KIF1A: variants seen among roughly 807,000 people sequenced by gnomAD.
KIF1A encodes the protein kinesin family member 1A, also known as kinesin-like protein KIF1A.
A neutral mutation model predicts 227.3 loss-of-function variants in KIF1A; 46 were observed. The observed-to-expected ratio is 0.20, with a 90% CI of 0.16 to 0.26. The LOEUF (loss-of-function observed/expected upper bound fraction) is 0.26, where lower values mean the gene tolerates loss of function less well. Among genes scored for constraint, KIF1A ranks in the 10% least tolerant of loss-of-function variants. The pLI, the probability that KIF1A is intolerant of heterozygous loss-of-function variation, is 1.00. For synonymous variants in KIF1A, 1,022 were observed against 1,012.8 expected (o/e 1.01, Z -0.17); for missense variants, 1,683 against 2,485.9 (o/e 0.68, Z 6.87).
Position 240,797,658 on chromosome 2 carries a change from C to T in KIF1A, c.95G>A (p.Gly32Glu). 3.1e-6 allele frequency: 5 copies of T among 1,611,162 alleles called. No homozygotes were observed. Among genetic ancestry groups the T allele is most frequent in the Non-Finnish European group, 4.2e-6 (5 of 1,178,170 alleles). The stretch of plus-strand genomic sequence containing the variant: ...AGGCTGATACTCACTGGTGGTGCTT[C>T]CAGACATCTGAATGATGCACTTGGA... ...RDSKCIIQMS[G>E]STTTIVNPKQ... Residue 32 changes from glycine (G) to glutamate (E), a missense_variant, in exon 2 of 49, where the codon GGA becomes GAA. By Grantham distance (98) the Gly-to-Glu change is moderately conservative. Coordinates refer to ENST00000498729, the MANE Select transcript of KIF1A (RefSeq NM_001244008.2).
In KIF1A at chr2:240,717,093, C is replaced by A; in HGVS notation, c.*271G>T. ...AAAAATATTAGAACGGCAGCAAGAA[C>A]CCCCGTAACCTGTGCCCTTGGCCCC... is the stretch of plus-strand genomic sequence containing the variant. On this transcript the variant is annotated 3_prime_UTR_variant, in exon 49 of 49. Transcript: ENST00000498729. The A allele has an allele frequency of 2.3e-6, 1 of 440,326 alleles. No homozygotes were observed. Among genetic ancestry groups the A allele is most frequent in the Non-Finnish European group, 4.0e-6 (1 of 248,168 alleles). 27.3% of individuals were successfully genotyped at this position (440,326 alleles called of 1,614,324 possible). A position where few individuals can be genotyped will look rare whatever the true frequency, so the allele number is the denominator to read the frequency against.
intron 27 of KIF1A, among the ~76,000 whole-genome samples, chr2:240,753,534 C>A (rs1439434198): frequency 6.6e-6 from 1 of 152,180 alleles, no homozygotes; most frequent in African/African-American, 2.4e-5. Flanking sequence ...CCTCGCAACC[C>A]CAGGCTCAGA....
chr2:240,782,035 C>T (rs2054099648), intron 10 of KIF1A: 6 of 985,414 alleles, frequency 6.1e-6, no homozygotes, highest in Non-Finnish European at 7.2e-6. Flanking sequence ...CGCATTCCCA[C>T]GCTGGCTCAC....
rs199922247 is a variant in KIF1A at position 240,762,710 on chromosome 2, A to T, written c.2116+9T>A. ...TGACGCAGCAGGTGCTGGCCCAGTG[A>T]CCCCTCACCTTCATCCTCGGGCTCC... On this transcript the variant is annotated intron_variant, in intron 23 of 48. Coordinates refer to ENST00000498729, the MANE Select transcript of KIF1A (RefSeq NM_001244008.2). 10 of 1,575,696 alleles carry T rather than the reference A, an allele frequency of 6.3e-6. No homozygotes were observed. The East Asian group carries it at 2.3e-4, about 36-fold the overall frequency.
chr2:240,716,005 C>T lies in KIF1A; in HGVS notation c.*1359G>A, dbSNP rs1170911466. On this transcript the variant is annotated 3_prime_UTR_variant, in exon 49 of 49. Transcript: ENST00000498729. ...CCTCCCTAGGCCTCTGGACATGACT[C>T]CTATGACCAGACTCTCAGCTTGGGG... The T allele has an allele frequency of 6.6e-6, 1 of 152,278 alleles. No homozygotes were observed. Among genetic ancestry groups the T allele is most frequent in the Non-Finnish European group, 1.5e-5 (1 of 68,040 alleles). The allele number at this position is 152,278 out of a possible 1,614,324, so 9.4% of individuals were successfully genotyped here.
Position 240,769,619 on chromosome 2 carries a change from C to G in KIF1A, c.1421+8G>C. The G allele has an allele frequency of 6.2e-7, 1 of 1,612,078 alleles. No homozygotes were observed. The highest frequency in any genetic ancestry group is 8.5e-7 in the Non-Finnish European group (1 of 1,178,876). ...CTCCCCCTGGGCCTCAGTTTCCCCG[C>G]TGCACACCTCTCCATCCGGATGGCT... On this transcript the variant is annotated splice_region_variant and intron_variant, in intron 16 of 48. Coordinates refer to ENST00000498729, the MANE Select transcript of KIF1A (RefSeq NM_001244008.2).
chr2:240,766,035 C>T lies in KIF1A; in HGVS notation c.1685-242G>A, dbSNP rs1356526978. Among the ~76,000 whole-genome samples, 1 of 152,248 alleles carries T rather than the reference C, an allele frequency of 6.6e-6. No homozygotes were observed. Among genetic ancestry groups the T allele is most frequent in the Non-Finnish European group, 1.5e-5 (1 of 68,050 alleles). On this transcript the variant is annotated intron_variant, in intron 19 of 48. Coordinates refer to ENST00000498729, the MANE Select transcript of KIF1A (RefSeq NM_001244008.2). This position sits in a 1 kb window ranked among gnomAD's most constrained non-coding sequence, Gnocchi z 5.0. ...GAGGATGCATGTGCCCACGTTGAAG[C>T]CAAGAGGCTGTGCTGGGCCTAATCA...
intron 38 of KIF1A, among the ~76,000 whole-genome samples, chr2:240,732,268 GATGAAGGGAGAAGGGGATC>G: frequency 8.9e-6 from 1 of 112,634 alleles, no homozygotes; most frequent in African/African-American, 4.0e-5. Context: ...GGGGAGGAGG[GATGAAGGGAGAAGGGGATC>G]AGGGGAGGAG....
chr2:240,734,649 A>C (rs2047115219), intron 38 of KIF1A: 1 of 1,189,624 alleles, frequency 8.4e-7, no homozygotes, highest in Non-Finnish European at 1.1e-6. Context: ...GGGGGCGGTC[A>C]GGGGAGGAGC....
intron 37 of KIF1A, among the ~76,000 whole-genome samples, chr2:240,738,914 C>T (rs540484130): frequency 2.0e-5 from 3 of 152,348 alleles, no homozygotes; most frequent in Non-Finnish European, 2.9e-5. Context: ...CCCCAGGGAT[C>T]GTTCCTCAAC....
At chr2:240,816,241 T>C (rs1239839107) in intron 1 of KIF1A, among the ~76,000 whole-genome samples, 1 of 151,956 alleles carries the variant, frequency 6.6e-6, no homozygotes, top group Non-Finnish European at 1.5e-5. Flanking sequence ...TATGTGAATG[T>C]ATGTGTGGGT....
chr2:240,767,076 G>A (rs907893172), intron 18 of KIF1A, 55 bp from the exon 19 acceptor site: 23 of 1,382,544 alleles, frequency 1.7e-5, no homozygotes, highest in Middle Eastern at 1.8e-4. Context: ...CACCCAGGAC[G>A]CCACCCACTG....
intron 1 of KIF1A, among the ~76,000 whole-genome samples, chr2:240,811,160 G>A: frequency 6.6e-6 from 1 of 152,144 alleles, no homozygotes; most frequent in Admixed American, 6.5e-5. Flanking sequence ...TCAGGAGTTA[G>A]TGGCCACCCT....
chr2:240,717,617 T>A (rs1479472025), intron 48 of KIF1A, among the ~76,000 whole-genome samples: 1 of 152,144 alleles, frequency 6.6e-6, no homozygotes, highest in Non-Finnish European at 1.5e-5. Flanking sequence ...GCTTTTCACA[T>A]CCCTGCTGTG....
At chr2:240,730,728 A>T (rs2125663452) in intron 38 of KIF1A, among the ~76,000 whole-genome samples, 1 of 152,352 alleles carries the variant, frequency 6.6e-6, no homozygotes, top group Middle Eastern at 3.4e-3. Context: ...TACGGTTCAC[A>T]GGATCTGGAC....
intron 2 of KIF1A, among the ~76,000 whole-genome samples, chr2:240,795,322 C>T (rs1470346485): frequency 6.6e-6 from 1 of 152,194 alleles, no homozygotes; most frequent in Non-Finnish European, 1.5e-5. Context: ...CAGGGTGTCT[C>T]GCTTCAGGTT....
chr2:240,740,309 G>A lies in KIF1A; in HGVS notation c.3805C>T (p.Leu1269Phe), dbSNP rs371724838. 17 of 1,613,348 alleles carry A rather than the reference G, an allele frequency of 1.1e-5. No individual in the cohort carries two copies. Among genetic ancestry groups the A allele is most frequent in the South Asian group, 4.4e-5 (4 of 91,040 alleles). ...AGAGGGGCTCACACCTGGTGGAGGA[G>A]GAAGGTCCCCATGCATGGCATGCCC... ...RGGMPCMGTF[L>F]LHQGIQRRIT... The change falls in exon 36 of 49, where the codon CTC becomes TTC. Residue 1269 changes from leucine (L) to phenylalanine (F), a missense_variant. This residue lies in a region of KIF1A where 759 missense variants were observed against 1,020.2 expected (regional missense o/e 0.74). Transcript: ENST00000498729. The surrounding 1 kb of genome is among the most constrained non-coding windows in gnomAD (Gnocchi z 6.1).
At chr2:240,767,149 G>A (rs562026973) in intron 18 of KIF1A, 117 bp downstream of exon 18, 49 of 1,120,596 alleles carry the variant, frequency 4.4e-5, no homozygotes, top group East Asian at 2.8e-4. Context: ...CAGTGGGGTC[G>A]CTGGGGAAGT....
intron 5 of KIF1A, among the ~76,000 whole-genome samples, chr2:240,786,741 T>TGG (rs2054886982): frequency 4.8e-5 from 1 of 20,970 alleles, no homozygotes; most frequent in African/African-American, 1.5e-4. Context: ...GGCTGCCTGC[T>TGG]GGGCCCCTGA....
Sources: gnomAD v4.1 joint callset for allele counts (sites outside exome capture counted in the v4.1 genomes callset) on GRCh38, gnomAD v4.1.1 for gene constraint, gnomAD v4.1.1 regional missense constraint, Gnocchi (gnomAD v3.1) non-coding constraint, MANE v1.5 for transcripts, NCBI Gene and HGNC (gene_info 2026-07-23, HGNC 2026-07-21) for gene names.